Variants in RPS6KA3 observed in about 807,000 individuals in gnomAD.
RPS6KA3 encodes ribosomal protein S6 kinase alpha-3.
A neutral mutation model predicts 67.2 loss-of-function variants in RPS6KA3; 4 were observed. The ratio of observed to expected loss-of-function variants is 0.06; its 90% confidence interval spans 0.03 to 0.14. The LOEUF (loss-of-function observed/expected upper bound fraction) is 0.14, where lower values mean the gene tolerates loss of function less well. RPS6KA3 is among the 10% of genes least tolerant of loss of function. The pLI is 1.00. For missense variants in RPS6KA3, 204 were observed against 559.0 expected, an observed-to-expected ratio of 0.36 and a Z score of 6.40; for synonymous variants, 182 against 183.7, an observed-to-expected ratio of 0.99 and a Z score of 0.07.
chrX:20,264,717 G>A (rs769352584), intron 1 of RPS6KA3, among the ~76,000 whole-genome samples: 31 of 111,829 alleles, frequency 2.8e-4, no homozygotes, highest in African/African-American at 5.8e-4. Flanking sequence ...AATTCTAAAC[G>A]ATATTGTTTT....
chrX:20,220,826 T>C (rs1426176372), intron 2 of RPS6KA3, among the ~76,000 whole-genome samples: 1 of 111,520 alleles, frequency 9.0e-6, no homozygotes, highest in East Asian at 2.8e-4. Flanking sequence ...AAAACACAAA[T>C]AGAGTGACTG....
At chrX:20,200,692 T>A (rs746782128) in intron 4 of RPS6KA3, among the ~76,000 whole-genome samples, 2 of 111,384 alleles carry the variant, frequency 1.8e-5, no homozygotes, top group Admixed American at 1.9e-4. Context: ...TTTTCCTTAT[T>A]AAAAAAAATT....
At chrX:20,164,844 T>C (rs2067396307) in intron 18 of RPS6KA3, 55 bp downstream of exon 18, 5 of 880,409 alleles carry the variant, frequency 5.7e-6, no homozygotes, top group Non-Finnish European at 3.4e-6. Context: ...GTATTAAACA[T>C]AGTGAATGAG....
chrX:20,234,187 G>T (rs1468261931), intron 2 of RPS6KA3, among the ~76,000 whole-genome samples: 1 of 112,586 alleles, frequency 8.9e-6, no homozygotes, highest in East Asian at 2.8e-4. Context: ...TAAGCTTCAG[G>T]CTAGGCACAT....
At position 20,188,484 on chromosome X, in the gene RPS6KA3, ATT is replaced by A; in HGVS notation, c.631+11_631+12del. ...GAGAAAATATTTTAATAAAACGAGG[ATT>A]TTTTTTTTACCTGTTAACTTGATGT... On this transcript the variant is annotated intron_variant, in intron 8 of 21. Coordinates refer to ENST00000379565, the MANE Select transcript of RPS6KA3 (RefSeq NM_004586.3). The A allele has an allele frequency of 6.7e-6, 6 of 897,658 alleles. No homozygotes were observed. The highest frequency in any genetic ancestry group is 9.5e-6 in the Non-Finnish European group (6 of 631,319). The allele number at this position is 897,658 out of a possible 1,213,427, so 74.0% of individuals were successfully genotyped here.
In RPS6KA3 at chrX:20,154,361, G is replaced by A; in HGVS notation, c.*1037C>T. On this transcript the variant is annotated 3_prime_UTR_variant, in exon 22 of 22. Coordinates refer to ENST00000379565, the MANE Select transcript of RPS6KA3 (RefSeq NM_004586.3). ...TACATTTAAATTAGTGTTTAATATA[G>A]AATATCTATTTAAACATGAAATATC... 1 of 112,375 alleles carries A rather than the reference G, an allele frequency of 8.9e-6. No homozygotes were observed. Among genetic ancestry groups the A allele is most frequent in the Non-Finnish European group, 1.9e-5 (1 of 53,277 alleles). 9.3% of individuals were successfully genotyped at this position (112,375 alleles called of 1,213,427 possible).
intron 2 of RPS6KA3, among the ~76,000 whole-genome samples, chrX:20,210,503 C>T (rs1377559626): frequency 2.7e-5 from 3 of 111,318 alleles, no homozygotes; most frequent in Non-Finnish European, 3.8e-5. Context: ...CCTTAGAATG[C>T]TGGCAATATA....
intron 1 of RPS6KA3, among the ~76,000 whole-genome samples, chrX:20,238,226 C>T (rs1267072233): frequency 1.8e-5 from 2 of 111,422 alleles, no homozygotes; most frequent in Non-Finnish European, 3.8e-5. Context: ...TTTCAACCCT[C>T]AAACGACCAA....
At chrX:20,242,147 G>A (rs1025008719) in intron 1 of RPS6KA3, among the ~76,000 whole-genome samples, 2 of 111,709 alleles carry the variant, frequency 1.8e-5, no homozygotes, top group Non-Finnish European at 3.8e-5. Context: ...AAACACTTCA[G>A]AAAGTTCAAA....
intron 2 of RPS6KA3, among the ~76,000 whole-genome samples, chrX:20,216,637 T>C (rs1277718763): frequency 9.1e-6 from 1 of 110,276 alleles, no homozygotes. Context: ...ATTAAGAAGA[T>C]GCTATTTGAG....
intron 19 of RPS6KA3, 150 bp downstream of exon 19, chrX:20,162,814 T>A (rs765564215): frequency 2.0e-6 from 1 of 497,041 alleles, no homozygotes; most frequent in East Asian, 3.7e-5. Context: ...GTCACTGTAC[T>A]CCAGCCTGGG....
intron 3 of RPS6KA3, among the ~76,000 whole-genome samples, chrX:20,206,962 GTAGC>G (rs1272199943): frequency 1.8e-5 from 2 of 112,187 alleles, no homozygotes; most frequent in African/African-American, 3.2e-5. Flanking sequence ...TGCTGGAGAG[GTAGC>G]TAGAGACCAG....
chrX:20,151,569 T>C lies in RPS6KA3; in HGVS notation c.*3829A>G, dbSNP rs1237533949. ...GCACCAAGGTCAGCCATGGAATCCA[T>C]CATATTTGTTAATCTGAGAAAACAG... On this transcript the variant is annotated 3_prime_UTR_variant, in exon 22 of 22. Coordinates refer to ENST00000379565, the MANE Select transcript of RPS6KA3 (RefSeq NM_004586.3). The C allele has an allele frequency of 8.9e-6, 1 of 112,632 alleles. No homozygotes were observed. The highest frequency in any genetic ancestry group is 1.9e-5 in the Non-Finnish European group (1 of 53,293). 9.3% of individuals were successfully genotyped at this position (112,632 alleles called of 1,213,427 possible).
At chrX:20,202,144 T>G (rs2068457286) in intron 4 of RPS6KA3, among the ~76,000 whole-genome samples, 1 of 108,925 alleles carries the variant, frequency 9.2e-6, no homozygotes. Flanking sequence ...CATGCCCGGC[T>G]AATTTTTTTT....
At chrX:20,218,807 G>A (rs1355677263) in intron 2 of RPS6KA3, 1 of 1,174,662 alleles carries the variant, frequency 8.5e-7, no homozygotes. Flanking sequence ...TACCTGTATA[G>A]AGCGAACACG....
intron 2 of RPS6KA3, among the ~76,000 whole-genome samples, chrX:20,234,550 T>C (rs1372183759): frequency 8.9e-6 from 1 of 111,941 alleles, no homozygotes; most frequent in Non-Finnish European, 1.9e-5. Flanking sequence ...TAAAGCAATT[T>C]GTTTTATCAT....
At chrX:20,234,418 T>C (rs914671417) in intron 2 of RPS6KA3, among the ~76,000 whole-genome samples, 1 of 111,905 alleles carries the variant, frequency 8.9e-6, no homozygotes, top group Non-Finnish European at 1.9e-5. Flanking sequence ...GAGGTTGCAG[T>C]GAGCCAAGAT....
chrX:20,218,891 T>C, intron 2 of RPS6KA3: 2 of 1,076,042 alleles, frequency 1.9e-6, no homozygotes, highest in Non-Finnish European at 2.6e-6. Context: ...AAACTTAAGT[T>C]AGAAAGGGAA....
chrX:20,189,028 C>T (rs2068057500), intron 7 of RPS6KA3, among the ~76,000 whole-genome samples: 1 of 112,424 alleles, frequency 8.9e-6, no homozygotes, highest in Non-Finnish European at 1.9e-5. Flanking sequence ...CTTGCTTCTG[C>T]CTCCCTGAGT....
Sources: gnomAD v4.1 joint callset for allele counts (sites outside exome capture counted in the v4.1 genomes callset) on GRCh38, gnomAD v4.1.1 for gene constraint, MANE v1.5 for transcripts, NCBI Gene and HGNC (gene_info 2026-07-23, HGNC 2026-07-21) for gene names.